Variants in DHRS7B observed in about 807,000 individuals in gnomAD.
The protein encoded by DHRS7B is peroxisomal reductase activating PPAR-gamma.
Under a neutral mutation model 26.4 loss-of-function variants are expected in DHRS7B, and 24 were observed. The observed-to-expected ratio is 0.91, with a 90% CI of 0.66 to 1.28. The LOEUF (loss-of-function observed/expected upper bound fraction) is 1.28. DHRS7B is among the 50% of genes most tolerant of loss of function. DHRS7B has a pLI of 0.00. For synonymous variants in DHRS7B, 142 were observed against 166.4 expected, an observed-to-expected ratio of 0.85 and a Z score of 1.13; for missense variants, 368 against 419.4, an observed-to-expected ratio of 0.88 and a Z score of 1.07.
chr17:21,159,049 C>T (rs9900432), intron 1 of DHRS7B, among the ~76,000 whole-genome samples: 130,300 of 152,048 alleles, frequency 0.86, 55,960 homozygotes, highest in African/African-American at 0.88. Flanking sequence ...AATGCAAAAC[C>T]ATGAAACTGC....
Position 21,191,221 on chromosome 17 carries a change from G to A in DHRS7B, c.*68G>A. The A allele has an allele frequency of 6.7e-7, 1 of 1,482,202 alleles. No individual in the cohort carries two copies. The highest frequency in any genetic ancestry group is 9.3e-7 in the Non-Finnish European group (1 of 1,072,284). 91.8% of individuals were successfully genotyped at this position (1,482,202 alleles called of 1,614,324 possible). On this transcript the variant is annotated 3_prime_UTR_variant, in exon 7 of 7. Coordinates refer to ENST00000395511, the MANE Select transcript of DHRS7B (RefSeq NM_015510.5). ...AGGCTTGCTTACTCTACAAGGGACA[G>A]TTGCATTTGTTGAGACTTTAATGGA...
At chr17:21,139,025 C>T (rs1005936720) in intron 1 of DHRS7B, among the ~76,000 whole-genome samples, 1 of 152,140 alleles carries the variant, frequency 6.6e-6, no homozygotes, top group Non-Finnish European at 1.5e-5. Context: ...AATGATTTGA[C>T]CTAACTAAAC....
At chr17:21,171,937 A>T in intron 1 of DHRS7B, 81 bp from the exon 2 acceptor site, 2 of 1,542,594 alleles carry the variant, frequency 1.3e-6, no homozygotes, top group Non-Finnish European at 1.8e-6. Flanking sequence ...TGGGATTCAT[A>T]TCAGATGAGA....
chr17:21,179,992 C>T (rs778699366), intron 3 of DHRS7B, among the ~76,000 whole-genome samples: 3 of 151,644 alleles, frequency 2.0e-5, no homozygotes, highest in Non-Finnish European at 2.9e-5. Context: ...TCTCTAACTC[C>T]CGACCTCAGG....
At chr17:21,151,242 C>T (rs1400088319) in intron 1 of DHRS7B, among the ~76,000 whole-genome samples, 3 of 152,100 alleles carry the variant, frequency 2.0e-5, no homozygotes, top group Non-Finnish European at 2.9e-5. Context: ...TGCGGTGGCT[C>T]ACGCCTGTAA....
At chr17:21,184,599 T>G (rs1974589794) in intron 5 of DHRS7B, 136 bp downstream of exon 5, 1 of 847,886 alleles carries the variant, frequency 1.2e-6, no homozygotes, top group Admixed American at 2.7e-5. Context: ...GAGAATGTGT[T>G]CTCCAGAGCC....
intron 1 of DHRS7B, among the ~76,000 whole-genome samples, chr17:21,166,963 A>G (rs749102075): frequency 7.9e-5 from 12 of 152,004 alleles, no homozygotes; most frequent in Non-Finnish European, 1.5e-4. Flanking sequence ...TAATTTCTGT[A>G]TGTGGTTTCT....
intron 1 of DHRS7B, among the ~76,000 whole-genome samples, chr17:21,152,987 G>A (rs1243168162): frequency 6.7e-6 from 1 of 149,700 alleles, no homozygotes; most frequent in Admixed American, 6.6e-5. Flanking sequence ...AGTGCATCCT[G>A]TCCACCTTTT....
chr17:21,164,991 A>G (rs1974079559), intron 1 of DHRS7B, among the ~76,000 whole-genome samples: 1 of 152,226 alleles, frequency 6.6e-6, no homozygotes, highest in Admixed American at 6.5e-5. Context: ...CTCTCTGGGA[A>G]TTGCCTTTTT....
chr17:21,137,534 T>A lies in DHRS7B; in HGVS notation c.20+10543T>A, dbSNP rs185033187. 5.9e-4 allele frequency among the ~76,000 whole-genome samples: 90 copies of A among 151,940 alleles called. 2 individuals are homozygous for A. In the East Asian group the frequency reaches 0.014, roughly 24 times the overall value. Reference sequence around the variant, plus strand: ...GTGTAATGGCATAATATTGGCTCACTGCAACCTCCGCCTCCTGGGTTCAAG... The same window carrying A: ...GTGTAATGGCATAATATTGGCTCACAGCAACCTCCGCCTCCTGGGTTCAAG... On this transcript the variant is annotated intron_variant, in intron 1 of 6. Coordinates refer to ENST00000395511, the MANE Select transcript of DHRS7B (RefSeq NM_015510.5).
At chr17:21,127,180 A>C in intron 1 of DHRS7B, 189 bp downstream of exon 1, 1 of 571,702 alleles carries the variant, frequency 1.7e-6, no homozygotes, top group Non-Finnish European at 2.9e-6. Context: ...CTGGGACCAG[A>C]GCCCTGGCTC....
chr17:21,168,884 T>TACA (rs1567625391), intron 1 of DHRS7B: 1 of 985,354 alleles, frequency 1.0e-6, no homozygotes, highest in Non-Finnish European at 1.2e-6. Flanking sequence ...CCCAGAAGTG[T>TACA]ACAAGACGGT....
intron 1 of DHRS7B, among the ~76,000 whole-genome samples, chr17:21,130,454 G>C (rs1385586999): frequency 1.3e-5 from 2 of 152,040 alleles, no homozygotes; most frequent in Non-Finnish European, 2.9e-5. Flanking sequence ...GTAAAGGGGG[G>C]GTTCCAGGCC....
At chr17:21,143,509 A>G (rs1481255099) in intron 1 of DHRS7B, among the ~76,000 whole-genome samples, 1 of 152,354 alleles carries the variant, frequency 6.6e-6, no homozygotes, top group Non-Finnish European at 1.5e-5. Context: ...GTTGGCATAT[A>G]TAGTGTTTTC....
intron 1 of DHRS7B, among the ~76,000 whole-genome samples, chr17:21,156,401 A>C (rs1973879122): frequency 6.6e-6 from 1 of 150,644 alleles, no homozygotes; most frequent in Admixed American, 6.6e-5. Flanking sequence ...AGATCAGGAG[A>C]TTGAGACCAG....
At chr17:21,168,686 T>C (rs1004722551) in intron 1 of DHRS7B, 34 of 984,786 alleles carry the variant, frequency 3.5e-5, no homozygotes, top group Non-Finnish European at 4.1e-5. Context: ...TGGCTTTTAA[T>C]TTGCTTTGCA....
At chr17:21,155,028 T>C (rs750629619) in intron 1 of DHRS7B, among the ~76,000 whole-genome samples, 2 of 152,166 alleles carry the variant, frequency 1.3e-5, no homozygotes, top group African/African-American at 2.4e-5. Flanking sequence ...TATAAAATGC[T>C]CAGTTAACCA....
intron 1 of DHRS7B, among the ~76,000 whole-genome samples, chr17:21,138,921 ATTATT>A (rs984191595): frequency 6.6e-6 from 1 of 152,160 alleles, no homozygotes; most frequent in African/African-American, 2.4e-5. Context: ...CATTTACCTA[ATTATT>A]TTATTTGTTT....
At chr17:21,141,595 G>A (rs1244958919) in intron 1 of DHRS7B, among the ~76,000 whole-genome samples, 1 of 120,622 alleles carries the variant, frequency 8.3e-6, no homozygotes, top group East Asian at 2.6e-4. Flanking sequence ...TCAGGCTGAA[G>A]ACTGGTTTCT....
Sources: allele counts gnomAD v4.1 joint callset (sites outside exome capture counted in the v4.1 genomes callset), GRCh38; gene constraint gnomAD v4.1.1; transcripts MANE v1.5; gene names NCBI Gene and HGNC (gene_info 2026-07-23, HGNC 2026-07-21).